MAPK10: variants seen among roughly 807,000 people sequenced by gnomAD.
MAPK10 encodes the protein mitogen-activated protein kinase 10.
In MAPK10, 25 loss-of-function variants were observed where a neutral mutation model predicts 59.3. The ratio of observed to expected loss-of-function variants is 0.42; its 90% confidence interval spans 0.31 to 0.59. The LOEUF (loss-of-function observed/expected upper bound fraction) is 0.59. Ranked by LOEUF, MAPK10 falls within the 20% of genes least tolerant of loss-of-function variation. MAPK10 has a pLI of 0.15. For synonymous variants in MAPK10, 190 were observed against 200.5 expected, an observed-to-expected ratio of 0.95 and a Z score of 0.44; for missense variants, 351 against 568.9, an observed-to-expected ratio of 0.62 and a Z score of 3.90.
chr4:86,559,759 T>C (rs1760530458), intron 1 of MAPK10, among the ~76,000 whole-genome samples: 1 of 151,966 alleles, frequency 6.6e-6, no homozygotes, highest in African/African-American at 2.4e-5. Context: ...GCCAACATGG[T>C]GAAACCCCGT....
At chr4:86,113,713 T>C (rs907967628) in intron 4 of MAPK10, among the ~76,000 whole-genome samples, 1 of 152,168 alleles carries the variant, frequency 6.6e-6, no homozygotes, top group Admixed American at 6.5e-5. Flanking sequence ...TCTCATAGAG[T>C]ATCTCACCGG....
At chr4:86,334,011 T>A (rs950858537) in intron 2 of MAPK10, among the ~76,000 whole-genome samples, 59 of 152,286 alleles carry the variant, frequency 3.9e-4, no homozygotes, top group African/African-American at 1.2e-3. Flanking sequence ...TATTTAGTGA[T>A]GAGGACTCAC....
intron 1 of MAPK10, among the ~76,000 whole-genome samples, chr4:86,490,672 A>G (rs550661492): frequency 9.2e-5 from 14 of 152,286 alleles, no homozygotes; most frequent in Admixed American, 2.6e-4. Context: ...CCTTCCTTCT[A>G]ATTCACCCAC....
At chr4:86,108,782 A>C (rs1297455577) in intron 4 of MAPK10, among the ~76,000 whole-genome samples, 1 of 152,206 alleles carries the variant, frequency 6.6e-6, no homozygotes, top group African/African-American at 2.4e-5. Flanking sequence ...GGGCAACTCA[A>C]AATAAAATGT....
upstream of MAPK10, among the ~76,000 whole-genome samples, chr4:86,360,958 G>T (rs1736834937): frequency 6.6e-6 from 1 of 152,006 alleles, no homozygotes; most frequent in Non-Finnish European, 1.5e-5. Context: ...CCAGCCTTTG[G>T]ACTTCTCAAA....
chr4:86,330,764 G>A lies in MAPK10; in HGVS notation c.-7+23766C>T, dbSNP rs116785255. 3.6e-3 allele frequency among the ~76,000 whole-genome samples: 551 copies of A among 152,210 alleles called. 5 individuals carry two copies. Among genetic ancestry groups the A allele is most frequent in the African/African-American group, 0.013 (524 of 41,516 alleles). On this transcript the variant is annotated intron_variant, in intron 2 of 13. Coordinates refer to ENST00000641462, the MANE Select transcript of MAPK10 (RefSeq NM_138982.4). ...GCCTTGGGCAGTTCTTTATAGGACCGTGAGAACCGATTAATACAAGAGACC... is the reference window on the plus strand; with the variant it reads ...GCCTTGGGCAGTTCTTTATAGGACCATGAGAACCGATTAATACAAGAGACC...
chr4:86,164,484 T>C (rs1471822517), intron 3 of MAPK10: 1 of 152,050 alleles, frequency 6.6e-6, no homozygotes, highest in Non-Finnish European at 1.5e-5. Context: ...ATAAAATATA[T>C]AATACCAATT....
At chr4:86,275,409 G>A (rs961465241) in intron 2 of MAPK10, among the ~76,000 whole-genome samples, 3 of 151,868 alleles carry the variant, frequency 2.0e-5, no homozygotes, top group African/African-American at 4.8e-5. Context: ...CACTTCTAGC[G>A]AATGACCCCA....
At chr4:86,485,397 C>T (rs374353990) in intron 1 of MAPK10, among the ~76,000 whole-genome samples, 1 of 152,164 alleles carries the variant, frequency 6.6e-6, no homozygotes, top group East Asian at 1.9e-4. Context: ...GCCCTAGGAA[C>T]ATATCCTTTT....
At chr4:86,279,561 G>A (rs947822728) in intron 2 of MAPK10, among the ~76,000 whole-genome samples, 3 of 152,176 alleles carry the variant, frequency 2.0e-5, no homozygotes, top group African/African-American at 7.2e-5. Flanking sequence ...TGCCCAGAGT[G>A]AGTACCATTT....
At chr4:86,494,842 CAAAAAAAAAAAAAAAAAAA>C (rs567947232) in intron 1 of MAPK10, among the ~76,000 whole-genome samples, 12 of 23,986 alleles carry the variant, frequency 5.0e-4, no homozygotes, top group East Asian at 3.9e-3. Flanking sequence ...GACTCCGTCT[CAAAAAAAAAAAAAAAAAAA>C]AAAAAAAAAA....
intron 2 of MAPK10, among the ~76,000 whole-genome samples, chr4:86,248,297 T>C (rs1449652242): frequency 6.6e-6 from 1 of 152,246 alleles, no homozygotes; most frequent in Non-Finnish European, 1.5e-5. Context: ...AATTAAAATG[T>C]TAAATTCGTT....
At chr4:86,387,810 A>G (rs1430620008) in intron 1 of MAPK10, among the ~76,000 whole-genome samples, 2 of 151,992 alleles carry the variant, frequency 1.3e-5, no homozygotes, top group Non-Finnish European at 2.9e-5. Flanking sequence ...TCCTCCTCCT[A>G]TCAGTTGTTT....
intron 1 of MAPK10, among the ~76,000 whole-genome samples, chr4:86,520,286 AT>A (rs1326851416): frequency 1.3e-5 from 2 of 152,196 alleles, no homozygotes; most frequent in East Asian, 3.9e-4. Context: ...ATAATCCCAA[AT>A]TTTTTGGAGG....
intron 2 of MAPK10, among the ~76,000 whole-genome samples, chr4:86,251,755 A>G (rs1360303012): frequency 1.5e-5 from 2 of 133,482 alleles, no homozygotes; most frequent in Non-Finnish European, 3.1e-5. Flanking sequence ...CGCCACACTG[A>G]CTTCCACAAT....
At chr4:86,132,673 C>T (rs893009864) in intron 4 of MAPK10, among the ~76,000 whole-genome samples, 1 of 152,166 alleles carries the variant, frequency 6.6e-6, no homozygotes, top group African/African-American at 2.4e-5. Context: ...CACATTACAA[C>T]CTGAGCTCTG....
At chr4:86,459,132 A>C (rs1219072302) in intron 1 of MAPK10, among the ~76,000 whole-genome samples, 1 of 152,276 alleles carries the variant, frequency 6.6e-6, no homozygotes, top group East Asian at 1.9e-4. Flanking sequence ...AAAAGAGGAT[A>C]TACAAATGGA....
intron 2 of MAPK10, among the ~76,000 whole-genome samples, chr4:86,223,939 T>G (rs990716363): frequency 2.0e-5 from 3 of 152,032 alleles, no homozygotes; most frequent in African/African-American, 7.2e-5. Context: ...TCTTGTGGCA[T>G]GTGTGGCATC....
chr4:86,453,233 G>A (rs1406122603), upstream of MAPK10: 6 of 152,382 alleles, frequency 3.9e-5, no homozygotes, highest in East Asian at 9.6e-4. Context: ...TTCAACTGAT[G>A]GAGAAGTCTC....
Sources: gnomAD v4.1 joint callset for allele counts (sites outside exome capture counted in the v4.1 genomes callset) on GRCh38, gnomAD v4.1.1 for gene constraint, MANE v1.5 for transcripts, NCBI Gene and HGNC (gene_info 2026-07-23, HGNC 2026-07-21) for gene names.